Variants in KPNA3 observed in about 807,000 individuals in gnomAD.
The protein encoded by KPNA3 is karyopherin subunit alpha 3.
Under a neutral mutation model 73.8 loss-of-function variants are expected in KPNA3, and 13 were observed. That is an observed-to-expected ratio of 0.18 (90% confidence interval 0.11 to 0.28). The LOEUF (loss-of-function observed/expected upper bound fraction) is 0.28. KPNA3 is among the 10% of genes least tolerant of loss of function. The pLI is 1.00. For synonymous variants in KPNA3, 186 were observed against 206.9 expected (o/e 0.90, Z 0.87); for missense variants, 360 against 618.1 (o/e 0.58, Z 4.43).
At chr13:49,771,546 C>T (rs1478408182) in intron 1 of KPNA3, among the ~76,000 whole-genome samples, 1 of 152,192 alleles carries the variant, frequency 6.6e-6, no homozygotes, top group Non-Finnish European at 1.5e-5. Context: ...GCCTCAACCT[C>T]TCCAGCTCAA....
chr13:49,760,575 TGGACC>T (rs1954750834), intron 1 of KPNA3, among the ~76,000 whole-genome samples: 1 of 152,212 alleles, frequency 6.6e-6, no homozygotes, highest in South Asian at 2.1e-4. Flanking sequence ...TCGCAATGTG[TGGACC>T]TTGTAATAGT....
chr13:49,774,337 C>A (rs765146748), intron 1 of KPNA3, among the ~76,000 whole-genome samples: 39 of 152,272 alleles, frequency 2.6e-4, no homozygotes, highest in African/African-American at 3.4e-4. Context: ...TACAGTTATA[C>A]CCCGAATTCA....
intron 1 of KPNA3, among the ~76,000 whole-genome samples, chr13:49,779,565 CT>C (rs1324663920): frequency 6.6e-6 from 1 of 152,170 alleles, no homozygotes; most frequent in East Asian, 1.9e-4. Context: ...TCGTTTGTTC[CT>C]TTTCTAACCA....
At chr13:49,753,960 G>A (rs1168512693) in intron 1 of KPNA3, among the ~76,000 whole-genome samples, 1 of 152,176 alleles carries the variant, frequency 6.6e-6, no homozygotes, top group Non-Finnish European at 1.5e-5. Flanking sequence ...CCCTGACAAT[G>A]TAGACACAAA....
intron 1 of KPNA3, among the ~76,000 whole-genome samples, chr13:49,787,514 T>A: frequency 6.6e-6 from 1 of 152,086 alleles, no homozygotes; most frequent in East Asian, 1.9e-4. Flanking sequence ...AAGCTTTATT[T>A]GTTTGTTTTT....
rs750145243 is a variant in KPNA3, at chr13:49,719,755, T to C, written c.771+20A>G. ...CCCATCAAGAGCAAAATCCCACATTTAAGCTGCTTCTTAACTTACGTTTAT... is the reference window on the plus strand; with the variant it reads ...CCCATCAAGAGCAAAATCCCACATTCAAGCTGCTTCTTAACTTACGTTTAT... On this transcript the variant is annotated intron_variant, in intron 10 of 16. Transcript: ENST00000261667. 2 of 1,577,838 alleles carry C rather than the reference T, an allele frequency of 1.3e-6. No homozygotes were observed. The highest frequency in any genetic ancestry group is 2.3e-5 in the East Asian group (1 of 44,362).
At chr13:49,705,990 T>A (rs1231195911) in intron 14 of KPNA3, 108 bp downstream of exon 14, 28 of 1,128,324 alleles carry the variant, frequency 2.5e-5, no homozygotes, top group Middle Eastern at 2.0e-4. Context: ...TAATAATAAT[T>A]ATCTTTTCCC....
At chr13:49,749,166 A>G (rs1233571782) in intron 1 of KPNA3, among the ~76,000 whole-genome samples, 1 of 152,240 alleles carries the variant, frequency 6.6e-6, no homozygotes, top group East Asian at 1.9e-4. Context: ...TCACACTAAG[A>G]TATTTCTGTA....
intron 1 of KPNA3, among the ~76,000 whole-genome samples, chr13:49,757,524 A>G (rs1954721895): frequency 6.6e-6 from 1 of 152,182 alleles, no homozygotes; most frequent in African/African-American, 2.4e-5. Flanking sequence ...CTAAAATTTA[A>G]AATTGTGATA....
intron 1 of KPNA3, among the ~76,000 whole-genome samples, chr13:49,764,389 C>A (rs1236885139): frequency 6.6e-6 from 1 of 152,136 alleles, no homozygotes; most frequent in Non-Finnish European, 1.5e-5. Flanking sequence ...TGCTTACTGT[C>A]TGGAAATCTT....
intron 1 of KPNA3, among the ~76,000 whole-genome samples, chr13:49,751,169 A>G (rs1036392713): frequency 5.3e-5 from 8 of 152,302 alleles, no homozygotes; most frequent in Admixed American, 2.6e-4. Context: ...CTTAAAACTA[A>G]TATACTTGTT....
chr13:49,706,260 T>A lies in KPNA3; in HGVS notation c.1137+8A>T. The A allele has an allele frequency of 1.2e-6, 2 of 1,612,974 alleles. No homozygotes were observed. The highest frequency in any genetic ancestry group is 1.7e-6 in the Non-Finnish European group (2 of 1,179,128). On this transcript the variant is annotated splice_region_variant and intron_variant, in intron 13 of 16. Transcript: ENST00000261667. Reference sequence around the variant, plus strand: ...TAACAGACACGGTGAACTCATAATATGACCAACCTTAGCAAGCTGATGAAT... The same window carrying A: ...TAACAGACACGGTGAACTCATAATAAGACCAACCTTAGCAAGCTGATGAAT...
rs1405040456 is a variant in KPNA3, at chr13:49,773,378, A to C, written c.69+19060T>G. 2.0e-5 allele frequency among the ~76,000 whole-genome samples: 3 copies of C among 152,324 alleles called. No individual in the cohort carries two copies. The East Asian group carries it at 5.8e-4, about 29-fold the overall frequency. On this transcript the variant is annotated intron_variant, in intron 1 of 16. Transcript: ENST00000261667. The stretch of plus-strand genomic sequence containing the variant: ...TAATTTTTTAATGTTAATTATTCTG[A>C]GAAGTACTTAAATTATTTGAAGTCC...
At position 49,733,026 on chromosome 13, in the gene KPNA3, T is replaced by C. The variant is rs1483177192; in HGVS notation, c.135A>G (p.Leu45=). 6.2e-7 allele frequency: 1 copy of C among 1,609,372 alleles called. No homozygotes were observed. Among genetic ancestry groups the C allele is most frequent in the Non-Finnish European group, 8.5e-7 (1 of 1,176,248 alleles). ...ELRKNKRDEH[L]LKKRNVPQEE... is the part of the protein sequence containing the mutation. ...CTTGGGGAACATTTCTCTTTTTCAA[T>C]AAGTGTTCATCTCTTTTGTTCTGAA... Residue 45 remains leucine (L), a synonymous_variant, in exon 3 of 17, where the codon TTA becomes TTG. Coordinates refer to ENST00000261667, the MANE Select transcript of KPNA3 (RefSeq NM_002267.4).
At chr13:49,743,885 CA>C (rs1954594466) in intron 2 of KPNA3, among the ~76,000 whole-genome samples, 1 of 152,148 alleles carries the variant, frequency 6.6e-6, no homozygotes, top group South Asian at 2.1e-4. Context: ...GTAATGTTAA[CA>C]GATGGCAATA....
intron 1 of KPNA3, among the ~76,000 whole-genome samples, chr13:49,753,125 A>C (rs1165766335): frequency 6.6e-6 from 1 of 151,810 alleles, no homozygotes; most frequent in Non-Finnish European, 1.5e-5. Flanking sequence ...CTCCTCAAAT[A>C]AGAAAACCGA....
chr13:49,702,608 T>C, intron 15 of KPNA3, 128 bp from the exon 16 acceptor site: 1 of 518,856 alleles, frequency 1.9e-6, no homozygotes, highest in South Asian at 2.6e-5. Flanking sequence ...TCTAAGATAG[T>C]GGTTTGTCTA....
intron 6 of KPNA3, among the ~76,000 whole-genome samples, chr13:49,730,282 C>T (rs1954450002): frequency 6.6e-6 from 1 of 152,040 alleles, no homozygotes; most frequent in African/African-American, 2.4e-5. Flanking sequence ...CCTGTAATGT[C>T]TGCACTTTGG....
At chr13:49,739,388 A>G (rs1954552919) in intron 2 of KPNA3, among the ~76,000 whole-genome samples, 1 of 152,198 alleles carries the variant, frequency 6.6e-6, no homozygotes, top group Non-Finnish European at 1.5e-5. Flanking sequence ...TAATGGTAAG[A>G]GCTCTGCCAT....
Sources: gnomAD v4.1 joint callset for allele counts (sites outside exome capture counted in the v4.1 genomes callset) on GRCh38, gnomAD v4.1.1 for gene constraint, MANE v1.5 for transcripts, NCBI Gene and HGNC (gene_info 2026-07-23, HGNC 2026-07-21) for gene names.